Variants in PCSK2 observed in about 807,000 individuals in gnomAD.
PCSK2 encodes the protein neuroendocrine convertase 2.
A neutral mutation model predicts 69.7 loss-of-function variants in PCSK2; 14 were observed. The ratio of observed to expected loss-of-function variants is 0.20; its 90% CI spans 0.13 to 0.31. The LOEUF (loss-of-function observed/expected upper bound fraction) is 0.31. Among genes scored for constraint, PCSK2 ranks in the 10% least tolerant of loss-of-function variants. The probability of loss-of-function intolerance (pLI) is 1.00; values close to 1 mark genes in which losing one functional copy is unlikely to be tolerated. For synonymous variants in PCSK2, 307 were observed against 320.7 expected (o/e 0.96, Z 0.46); for missense variants, 544 against 842.5 (o/e 0.65, Z 4.39).
At chr20:17,435,172 T>C (rs1029978104) in intron 7 of PCSK2, among the ~76,000 whole-genome samples, 15 of 152,214 alleles carry the variant, frequency 9.9e-5, no homozygotes, top group African/African-American at 3.6e-4. Context: ...TTCATTCTTC[T>C]GGACCTGTTA....
intron 11 of PCSK2, among the ~76,000 whole-genome samples, chr20:17,469,582 C>G (rs2033165853): frequency 6.6e-6 from 1 of 152,012 alleles, no homozygotes; most frequent in Non-Finnish European, 1.5e-5. Flanking sequence ...TCACAAAGGG[C>G]AGAGCAGGAC....
At chr20:17,253,434 A>G (rs142287210) in intron 1 of PCSK2, among the ~76,000 whole-genome samples, 1 of 152,322 alleles carries the variant, frequency 6.6e-6, no homozygotes, top group East Asian at 1.9e-4. Context: ...TCTATTCTGG[A>G]CATTTCATAT....
intron 2 of PCSK2, among the ~76,000 whole-genome samples, chr20:17,340,674 G>A (rs1463203098): frequency 1.3e-5 from 2 of 152,150 alleles, no homozygotes; most frequent in Admixed American, 6.6e-5. Flanking sequence ...AATACACCAA[G>A]GAATTTCTTC....
chr20:17,284,733 C>T (rs760256259), intron 2 of PCSK2, among the ~76,000 whole-genome samples: 2 of 152,032 alleles, frequency 1.3e-5, no homozygotes, highest in Non-Finnish European at 2.9e-5. Context: ...CATAGGGCCA[C>T]CAAATGAGGA....
intron 2 of PCSK2, among the ~76,000 whole-genome samples, chr20:17,292,390 CA>C (rs1214678051): frequency 2.6e-5 from 4 of 152,044 alleles, no homozygotes; most frequent in African/African-American, 9.7e-5. Context: ...GATAAAATTA[CA>C]AAAGTATTAG....
chr20:17,340,972 G>A (rs190821693), intron 2 of PCSK2, among the ~76,000 whole-genome samples: 8 of 152,278 alleles, frequency 5.3e-5, no homozygotes, highest in East Asian at 3.9e-4. Context: ...AGGATTGGCC[G>A]GGCGCAGTGG....
chr20:17,450,195 AT>A (rs2032796481), intron 8 of PCSK2, among the ~76,000 whole-genome samples: 1 of 151,238 alleles, frequency 6.6e-6, no homozygotes, highest in Non-Finnish European at 1.5e-5. Context: ...CGCCCGGCTA[AT>A]TTTTTGTATT....
chr20:17,461,148 A>G (rs1250024169), intron 10 of PCSK2, among the ~76,000 whole-genome samples: 1 of 152,056 alleles, frequency 6.6e-6, no homozygotes, highest in Non-Finnish European at 1.5e-5. Context: ...TGATGCACAA[A>G]ATCAGGTTTC....
chr20:17,456,331 A>G lies in PCSK2; in HGVS notation c.1102-17A>G. The G allele has an allele frequency of 6.7e-7, 1 of 1,492,350 alleles. No individual in the cohort carries two copies. Among genetic ancestry groups the G allele is most frequent in the Non-Finnish European group, 9.4e-7 (1 of 1,069,224 alleles). 92.4% of individuals were successfully genotyped at this position (1,492,350 alleles called of 1,614,324 possible). ...AGCGTGATTTATCCACTCATTACTC[A>G]TTATCTTCCCTTCCAGGCAACCACA... On this transcript the variant is annotated splice_polypyrimidine_tract_variant and intron_variant, in intron 9 of 11. Coordinates refer to ENST00000262545, the MANE Select transcript of PCSK2 (RefSeq NM_002594.5).
At chr20:17,459,527 C>T (rs923552096) in intron 10 of PCSK2, among the ~76,000 whole-genome samples, 3 of 152,032 alleles carry the variant, frequency 2.0e-5, no homozygotes, top group South Asian at 4.2e-4. Flanking sequence ...ACCCATTGAC[C>T]CTACCTTGAG....
chr20:17,289,857 A>C (rs1443961883), intron 2 of PCSK2, among the ~76,000 whole-genome samples: 1 of 152,162 alleles, frequency 6.6e-6, no homozygotes, highest in Non-Finnish European at 1.5e-5. Context: ...AAAAATGGCC[A>C]TTTCTAATTT....
chr20:17,425,392 C>A (rs1211360046), intron 6 of PCSK2, among the ~76,000 whole-genome samples: 1 of 152,108 alleles, frequency 6.6e-6, no homozygotes, highest in African/African-American at 2.4e-5. Context: ...GGAATTCGAC[C>A]ACTAGACAAG....
At chr20:17,344,834 G>A (rs1463697829) in intron 2 of PCSK2, among the ~76,000 whole-genome samples, 2 of 152,042 alleles carry the variant, frequency 1.3e-5, no homozygotes, top group African/African-American at 4.8e-5. Context: ...TTTCTGTGAT[G>A]GTGCCCAACC....
chr20:17,461,838 A>G (rs997020129), intron 10 of PCSK2, among the ~76,000 whole-genome samples: 1 of 152,162 alleles, frequency 6.6e-6, no homozygotes, highest in Non-Finnish European at 1.5e-5. Context: ...GAGGTGATGG[A>G]TACCCCATTT....
In PCSK2 at chr20:17,451,389, G is replaced by A. The variant is rs78047127; in HGVS notation, c.886-2353G>A. ...GGCTAGGCTAATCTCAGGAGAGTGA[G>A]TTAGAGACTGACGGATCGAGGATGG... On this transcript the variant is annotated intron_variant, in intron 8 of 11. Transcript: ENST00000262545. 3.9e-3 allele frequency among the ~76,000 whole-genome samples: 589 copies of A among 152,302 alleles called. 1 individual carries two copies. Among genetic ancestry groups the A allele is most frequent in the Middle Eastern group, 0.014 (4 of 294 alleles).
At chr20:17,326,939 C>T (rs1362082577) in intron 2 of PCSK2, among the ~76,000 whole-genome samples, 2 of 152,174 alleles carry the variant, frequency 1.3e-5, no homozygotes, top group Admixed American at 6.5e-5. Context: ...TGCAGCCTCC[C>T]TTTGGGCTCC....
chr20:17,275,086 T>TAC (rs1988013949), intron 2 of PCSK2, among the ~76,000 whole-genome samples: 1 of 8,884 alleles, frequency 1.1e-4, no homozygotes, highest in Non-Finnish European at 5.4e-4. Flanking sequence ...TATTTATACA[T>TAC]ATATATATAT....
chr20:17,445,729 C>T (rs910804536), intron 8 of PCSK2, among the ~76,000 whole-genome samples: 5 of 152,218 alleles, frequency 3.3e-5, no homozygotes, highest in Non-Finnish European at 5.9e-5. Flanking sequence ...TGCCTCCTGC[C>T]AAGGAGCTCT....
At chr20:17,340,002 T>TC (rs1211112451) in intron 2 of PCSK2, among the ~76,000 whole-genome samples, 1 of 152,176 alleles carries the variant, frequency 6.6e-6, no homozygotes, top group Non-Finnish European at 1.5e-5. Context: ...TGTGACGCAT[T>TC]CCCCCTCTCA....
Sources: allele counts gnomAD v4.1 joint callset (sites outside exome capture counted in the v4.1 genomes callset), GRCh38; gene constraint gnomAD v4.1.1; transcripts MANE v1.5; gene names NCBI Gene and HGNC (gene_info 2026-07-23, HGNC 2026-07-21).